Variants in CHEK2 observed in about 807,000 individuals in gnomAD.
The protein encoded by CHEK2 is serine/threonine-protein kinase Chk2.
Under a neutral mutation model 69.1 loss-of-function variants are expected in CHEK2, and 71 were observed. The observed-to-expected ratio is 1.03, with a 90% CI of 0.85 to 1.25. The LOEUF is 1.25. Ranked by LOEUF, CHEK2 falls within the 50% of genes most tolerant of loss-of-function variation. CHEK2 has a pLI of 0.00. For synonymous variants in CHEK2, 189 were observed against 226.9 expected (o/e 0.83, Z 1.50); for missense variants, 664 against 649.6 (o/e 1.02, Z -0.24).
At chr22:28,714,992 A>G (rs2053538219) in intron 5 of CHEK2, among the ~76,000 whole-genome samples, 1 of 152,164 alleles carries the variant, frequency 6.6e-6, no homozygotes, top group Non-Finnish European at 1.5e-5. Flanking sequence ...CAGGATAGCT[A>G]CATAACCAAA....
Position 28,711,961 on chromosome 22 carries a change from G to T in CHEK2, c.740C>A (p.Ala247Asp), listed in dbSNP as rs1064795978. The T allele has an allele frequency of 2.5e-6, 4 of 1,613,896 alleles. No homozygotes were observed. The highest frequency in any genetic ancestry group is 2.5e-6 in the Non-Finnish European group (3 of 1,179,940). ...CTTCCTTTTGCTGATGATCTTTATGGCTACTTTCTTACATGTTTTCCTCTC... is the reference window on the plus strand; with the variant it reads ...CTTCCTTTTGCTGATGATCTTTATGTCTACTTTCTTACATGTTTTCCTCTC... ...AFERKTCKKV[A>D]IKIISKRKFA... The change falls in exon 6 of 15, where the codon GCC becomes GAC. Residue 247 changes from alanine (A) to aspartate (D), a missense_variant. Ala to Asp is a moderately radical substitution (Grantham distance 126). Transcript: ENST00000404276.
In CHEK2 at chr22:28,695,791, G is replaced by A. The variant is rs730881690; in HGVS notation, c.1178C>T (p.Pro393Leu). 6.2e-7 allele frequency: 1 copy of A among 1,613,796 alleles called. No individual in the cohort carries two copies. The highest frequency in any genetic ancestry group is 1.7e-5 in the Admixed American group (1 of 59,994). ...AGTCCCAACAGAAACAAGAACTTCA[G>A]GCGCCAAGTAGGTGGGGGTTCCACA... ...TLCGTPTYLA[P>L]EVLVSVGTAG... The change falls in exon 11 of 15, where the codon CCT becomes CTT. Residue 393 changes from proline (P) to leucine (L), a missense_variant. Pro to Leu is a moderately conservative substitution (Grantham distance 98). Coordinates refer to ENST00000404276, the MANE Select transcript of CHEK2 (RefSeq NM_007194.4).
rs2146004424 is a variant in CHEK2, at chr22:28,719,390, T to G, written c.683+5A>C. On this transcript the variant is annotated splice_donor_5th_base_variant and intron_variant, in intron 5 of 14. Transcript: ENST00000404276. Reference sequence around the variant, plus strand: ...TAAGTGCATTTATATAAGAAAATAATTTACCTTCCAAGAGTTTTTGACATG... The same window carrying G: ...TAAGTGCATTTATATAAGAAAATAAGTTACCTTCCAAGAGTTTTTGACATG... 6.6e-7 allele frequency: 1 copy of G among 1,526,096 alleles called. No homozygotes were observed. 94.5% of individuals were successfully genotyped at this position (1,526,096 alleles called of 1,614,324 possible). A position where few individuals can be genotyped will look rare whatever the true frequency, so the allele number is the denominator to read the frequency against.
intron 4 of CHEK2, among the ~76,000 whole-genome samples, chr22:28,722,799 C>T (rs1229891186): frequency 6.6e-6 from 1 of 152,050 alleles, no homozygotes; most frequent in East Asian, 1.9e-4. Context: ...TCACTGTAGC[C>T]TTAAAATCCT....
rs1057520952 is a variant in CHEK2 at position 28,741,790 on chromosome 22, G to A, written c.-28C>T. ...TCACCGCGTGAGCCCACCTGGAGCC[G>A]CACACTCTCCGCAGCCTCAGCCAGC... On this transcript the variant is annotated 5_prime_UTR_variant, in exon 1 of 15. Coordinates refer to ENST00000404276, the MANE Select transcript of CHEK2 (RefSeq NM_007194.4). 8.3e-6 allele frequency: 4 copies of A among 482,338 alleles called. No individual in the cohort carries two copies. Among genetic ancestry groups the A allele is most frequent in the East Asian group, 3.8e-5 (1 of 26,410 alleles). 29.9% of individuals were successfully genotyped at this position (482,338 alleles called of 1,614,324 possible).
At chr22:28,696,871 A>G (rs1282833081) in intron 10 of CHEK2, 30 bp downstream of exon 10, 1 of 1,389,382 alleles carries the variant, frequency 7.2e-7, no homozygotes, top group Non-Finnish European at 1.0e-6. Flanking sequence ...ATCTACAGGA[A>G]TAGCCACATA....
intron 12 of CHEK2, among the ~76,000 whole-genome samples, chr22:28,694,866 G>A (rs1222705097): frequency 1.3e-5 from 2 of 152,208 alleles, no homozygotes; most frequent in East Asian, 1.9e-4. Flanking sequence ...AGGGTTTATT[G>A]AGGGTCCCTT....
At chr22:28,703,660 G>T in intron 7 of CHEK2, 94 bp from the exon 8 acceptor site, 1 of 794,678 alleles carries the variant, frequency 1.3e-6, no homozygotes, top group Non-Finnish European at 2.1e-6. Flanking sequence ...GGACAGGGAG[G>T]CCAAGAACAG....
chr22:28,700,386 A>AT (rs901196169), intron 8 of CHEK2, among the ~76,000 whole-genome samples: 18 of 151,400 alleles, frequency 1.2e-4, no homozygotes, highest in Non-Finnish European at 1.5e-4. Flanking sequence ...TAATTGTTGT[A>AT]TTTTTTTTAG....
chr22:28,705,042 A>C (rs1031490450), intron 7 of CHEK2, among the ~76,000 whole-genome samples: 3 of 152,070 alleles, frequency 2.0e-5, no homozygotes, highest in African/African-American at 7.3e-5. Context: ...TCCCACATAC[A>C]AAAATACAAA....
chr22:28,733,712 A>G (rs2054282865), intron 2 of CHEK2, among the ~76,000 whole-genome samples: 1 of 152,126 alleles, frequency 6.6e-6, no homozygotes, highest in East Asian at 1.9e-4. Flanking sequence ...TGAGGCCAGG[A>G]GTTCGAGACC....
chr22:28,698,499 T>C (rs143238865), intron 9 of CHEK2, among the ~76,000 whole-genome samples: 1 of 152,258 alleles, frequency 6.6e-6, no homozygotes, highest in East Asian at 1.9e-4. Flanking sequence ...TTGCAAAATC[T>C]TTACTGGGAA....
intron 9 of CHEK2, 200 bp downstream of exon 9, chr22:28,699,638 G>T: frequency 1.7e-6 from 1 of 575,018 alleles, no homozygotes. Flanking sequence ...CTGGGATTAT[G>T]GGCATGAACC....
intron 1 of CHEK2, chr22:28,737,454 G>A: frequency 6.8e-6 from 2 of 292,720 alleles, no homozygotes. Context: ...TGTAATTTAA[G>A]ACTTATGAAC....
At chr22:28,741,335 C>A (rs1488179723) in intron 1 of CHEK2, among the ~76,000 whole-genome samples, 1 of 151,110 alleles carries the variant, frequency 6.6e-6, no homozygotes, top group South Asian at 2.1e-4. Flanking sequence ...CCACCCTATC[C>A]CATACATTTA....
intron 8 of CHEK2, among the ~76,000 whole-genome samples, chr22:28,702,246 T>TA (rs1555916307): frequency 3.4e-5 from 5 of 148,366 alleles, no homozygotes; most frequent in Admixed American, 6.8e-5. Context: ...TTTTTTTTTT[T>TA]AATTTTTTTT....
rs2052621299 is a variant in CHEK2, at chr22:28,697,130, C to T, written c.1009-143G>A. 4 of 676,680 alleles carry T rather than the reference C, an allele frequency of 5.9e-6. No homozygotes were observed. In the Admixed American group the frequency reaches 6.6e-5, roughly 11 times the overall value. 41.9% of individuals were successfully genotyped at this position (676,680 alleles called of 1,614,324 possible). On this transcript the variant is annotated intron_variant, in intron 9 of 14. Coordinates refer to ENST00000404276, the MANE Select transcript of CHEK2 (RefSeq NM_007194.4). ...CCATATTCTCCAAAATCATAGAAAA[C>T]TGTTGGGGTAAAGTTTACAAATTTG...
rs113209356 is a variant in CHEK2 at position 28,702,827 on chromosome 22, G to A, written c.908+678C>T. 7.2e-3 allele frequency among the ~76,000 whole-genome samples: 1,099 copies of A among 152,258 alleles called. 17 individuals carry two copies. Among genetic ancestry groups the A allele is most frequent in the African/African-American group, 0.025 (1,050 of 41,526 alleles). ...CTCCCAAAGTGCTGGGATTACAGGC[G>A]TAAGCCACTGCACCTGGCCCTGGAT... is the stretch of plus-strand genomic sequence containing the variant. On this transcript the variant is annotated intron_variant, in intron 8 of 14. Transcript: ENST00000404276.
intron 7 of CHEK2, among the ~76,000 whole-genome samples, chr22:28,708,361 A>G (rs1023474591): frequency 2.1e-4 from 22 of 104,384 alleles, no homozygotes; most frequent in Non-Finnish European, 4.3e-4. Flanking sequence ...GTCTCTAAAA[A>G]TATGTGTGTG....
Sources: allele counts gnomAD v4.1 joint callset (sites outside exome capture counted in the v4.1 genomes callset), GRCh38; gene constraint gnomAD v4.1.1; transcripts MANE v1.5; gene names NCBI Gene and HGNC (gene_info 2026-07-23, HGNC 2026-07-21).